CNTN2: variants seen among roughly 807,000 people sequenced by gnomAD.
CNTN2 encodes the protein contactin 2.
A neutral mutation model predicts 117.5 loss-of-function variants in CNTN2; 53 were observed. The ratio of observed to expected loss-of-function variants is 0.45; its 90% CI spans 0.36 to 0.57. The LOEUF (loss-of-function observed/expected upper bound fraction) is 0.57. Ranked by LOEUF, CNTN2 falls within the 20% of genes least tolerant of loss-of-function variation. CNTN2 has a pLI of 0.00. For synonymous variants in CNTN2, 530 were observed against 561.7 expected, an observed-to-expected ratio of 0.94 and a Z score of 0.80; for missense variants, 1,106 against 1,404.3, an observed-to-expected ratio of 0.79 and a Z score of 3.39.
chr1:205,066,683 G>A, intron 15 of CNTN2, 84 bp downstream of exon 15: 9 of 1,497,086 alleles, frequency 6.0e-6, no homozygotes, highest in South Asian at 3.8e-5. Flanking sequence ...TGGGGATCGG[G>A]GTCTGAGGGC....
At chr1:205,067,526 A>T in intron 16 of CNTN2, 1 of 328,190 alleles carries the variant, frequency 3.0e-6, no homozygotes, top group Non-Finnish European at 5.5e-6. Context: ...AAGTGGAAAA[A>T]CCAAAGTTCG....
In CNTN2 at chr1:205,073,506, G is replaced by A. The variant is rs78936091; in HGVS notation, c.3014-150G>A. The A allele has an allele frequency of 4.3e-3, 3,298 of 761,568 alleles. 27 individuals carry two copies. The highest frequency in any genetic ancestry group is 4.8e-3 in the South Asian group (286 of 59,238). The allele number at this position is 761,568 out of a possible 1,614,324, so 47.2% of individuals were successfully genotyped here. A position where few individuals can be genotyped will look rare whatever the true frequency, so the allele number is the denominator to read the frequency against. ...AATAGCAAACGGCCTACAAAGCACC[G>A]TAGGAGTCGGACTGAGAAGACCACC... On this transcript the variant is annotated intron_variant, in intron 22 of 22. Coordinates refer to ENST00000331830, the MANE Select transcript of CNTN2 (RefSeq NM_005076.5). The surrounding 1 kb of genome is among the most constrained non-coding windows in gnomAD (Gnocchi z 6.3).
chr1:205,074,302 C>T lies in CNTN2; in HGVS notation c.*537C>T, dbSNP rs554975483. On this transcript the variant is annotated 3_prime_UTR_variant, in exon 23 of 23. Coordinates refer to ENST00000331830, the MANE Select transcript of CNTN2 (RefSeq NM_005076.5). ...GCAGCAAGGACCCTGACGCTGTCCC[C>T]GATAACTCCCTAGGGGCTCCTGCCT... 3.7e-4 allele frequency: 149 copies of T among 402,818 alleles called. 4 individuals carry two copies. In the South Asian group the frequency reaches 0.015, roughly 42 times the overall value. 25.0% of individuals were successfully genotyped at this position (402,818 alleles called of 1,614,324 possible).
Position 205,065,907 on chromosome 1 carries a change from G to A in CNTN2, c.1814G>A (p.Arg605Gln), listed in dbSNP as rs762910235. ...TCCAAGGAGGCCACAGTCCTGGTCC[G>A]AGGTGAGGGGTTTCCCACCTCTACC... ...SASKEATVLVRGPPGPPGGVV... is the reference protein window; with the variant it reads ...SASKEATVLVQGPPGPPGGVV... Residue 605 changes from arginine (R) to glutamine (Q), a missense_variant and splice_region_variant, in exon 14 of 23, where the codon CGA (arginine) becomes CAA (glutamine). By Grantham distance (43) the Arg-to-Gln change is conservative. Transcript: ENST00000331830. The surrounding 1 kb of genome is among the most constrained non-coding windows in gnomAD (Gnocchi z 4.1). The A allele has an allele frequency of 1.2e-5, 20 of 1,609,668 alleles. No individual in the cohort carries two copies. Among genetic ancestry groups the A allele is most frequent in the Non-Finnish European group, 1.6e-5 (19 of 1,177,656 alleles).
Position 205,064,468 on chromosome 1 carries a change from A to G in CNTN2, c.1387A>G (p.Ser463Gly). 1.2e-6 allele frequency: 2 copies of G among 1,608,430 alleles called. No individual in the cohort carries two copies. The highest frequency in any genetic ancestry group is 1.7e-6 in the Non-Finnish European group (2 of 1,175,584). The change falls in exon 11 of 23, where the codon AGC (serine) becomes GGC (glycine). Residue 463 changes from serine to glycine, a missense_variant. Physicochemically the swap from Ser to Gly is moderately conservative, Grantham distance 56 (BLOSUM62 0). Coordinates refer to ENST00000331830, the MANE Select transcript of CNTN2 (RefSeq NM_005076.5). ...AGGCACGGAGATTTTGGTCAACAGC[A>G]GCAGGTACCACCCACACCCCACCCT... ...SKGTEILVNS[S>G]RVTVTPDGTL...
chr1:205,070,420 C>A lies in CNTN2; in HGVS notation c.2432-6C>A, dbSNP rs766760353. On this transcript the variant is annotated splice_region_variant and splice_polypyrimidine_tract_variant and intron_variant, in intron 18 of 22. Transcript: ENST00000331830. Reference sequence around the variant, plus strand: ...GAATCCAAACCCATTCTGTATTGGTCCCCAGAGCCCAGGGTGGCCCCTACC... The same window carrying A: ...GAATCCAAACCCATTCTGTATTGGTACCCAGAGCCCAGGGTGGCCCCTACC... 1.2e-6 allele frequency: 2 copies of A among 1,603,190 alleles called. No homozygotes were observed. Among genetic ancestry groups the A allele is most frequent in the South Asian group, 2.2e-5 (2 of 90,264 alleles).
intron 1 of CNTN2, among the ~76,000 whole-genome samples, chr1:205,051,323 G>T (rs4951160): frequency 6.6e-6 from 1 of 152,082 alleles, no homozygotes; most frequent in Non-Finnish European, 1.5e-5. Context: ...AATTTTTTGC[G>T]TAGACAGGGG....
chr1:205,044,959 CA>C (rs2096438917), intron 1 of CNTN2, among the ~76,000 whole-genome samples: 1 of 152,284 alleles, frequency 6.6e-6, no homozygotes, highest in Non-Finnish European at 1.5e-5. Context: ...GCTTTTGCCA[CA>C]AGGTCAGAGT....
In CNTN2 at chr1:205,072,016, A is replaced by C. The variant is rs1040215071; in HGVS notation, c.2614A>C (p.Ser872Arg). The C allele has an allele frequency of 3.7e-6, 6 of 1,614,076 alleles. No homozygotes were observed. In the African/African-American group the frequency reaches 8.0e-5, roughly 22 times the overall value. ...AGTGAGGACAGCAGGGCTGGACACC[A>C]GTGCCCGAGTCAGCGGCCTGCATCC... ...DRVRTAGLDT[S>R]ARVSGLHPNT... Residue 872 changes from serine (S) to arginine (R), a missense_variant, in exon 20 of 23, where the codon AGT (serine) becomes CGT (arginine). Coordinates refer to ENST00000331830, the MANE Select transcript of CNTN2 (RefSeq NM_005076.5).
In CNTN2 at chr1:205,061,176, A is replaced by T; in HGVS notation, c.798-69A>T. 6.6e-7 allele frequency: 1 copy of T among 1,504,840 alleles called. No individual in the cohort carries two copies. The highest frequency in any genetic ancestry group is 1.3e-5 in the South Asian group (1 of 78,778). 93.2% of individuals were successfully genotyped at this position (1,504,840 alleles called of 1,614,324 possible). ...AGGAGGGCCTGAGAGTCTGGGTATG[A>T]GGAGCTGCGGGCACTGGAGGGGTAG... On this transcript the variant is annotated intron_variant, in intron 7 of 22. Coordinates refer to ENST00000331830, the MANE Select transcript of CNTN2 (RefSeq NM_005076.5). The surrounding 1 kb of genome is among the most constrained non-coding windows in gnomAD (Gnocchi z 4.8).
intron 10 of CNTN2, 190 bp downstream of exon 10, chr1:205,062,759 C>T (rs2151193044): frequency 1.8e-6 from 1 of 550,106 alleles, no homozygotes; most frequent in Non-Finnish European, 2.9e-6. Flanking sequence ...TGACAGCTGC[C>T]AGAGGGCAGG....
Position 205,065,930 on chromosome 1 carries a change from A to C in CNTN2, c.1816+21A>C. The C allele has an allele frequency of 6.3e-7, 1 of 1,592,052 alleles. No individual in the cohort carries two copies. The highest frequency in any genetic ancestry group is 1.1e-5 in the South Asian group (1 of 87,428). ...CCGAGGTGAGGGGTTTCCCACCTCT[A>C]CCCCTACCCCAACTCCCTTAAAACC... is the stretch of plus-strand genomic sequence containing the variant. On this transcript the variant is annotated intron_variant, in intron 14 of 22. Transcript: ENST00000331830. The surrounding 1 kb of genome is among the most constrained non-coding windows in gnomAD (Gnocchi z 4.1).
rs371816961 is a variant in CNTN2, at chr1:205,061,966, C to A, written c.1075C>A (p.Arg359Ser). 3.1e-4 allele frequency: 492 copies of A among 1,612,954 alleles called. 1 individual carries two copies. The South Asian group carries it at 4.7e-3, about 15-fold the overall frequency. ...AAAGKPRPTVRWLRNGEPLAS... is the reference protein window; with the variant it reads ...AAAGKPRPTVSWLRNGEPLAS... ...CGCCGGCAAGCCCCGGCCTACAGTG[C>A]GCTGGCTGCGGAACGGGGAGCCTCT... is the stretch of plus-strand genomic sequence containing the variant. Residue 359 changes from arginine to serine, a missense_variant, in exon 9 of 23, where the codon CGC (arginine) becomes AGC (serine). Coordinates refer to ENST00000331830, the MANE Select transcript of CNTN2 (RefSeq NM_005076.5). This position sits in a 1 kb window ranked among gnomAD's most constrained non-coding sequence, Gnocchi z 4.8.
chr1:205,054,233 A>C (rs923309064), intron 2 of CNTN2, among the ~76,000 whole-genome samples: 3 of 151,946 alleles, frequency 2.0e-5, no homozygotes, highest in African/African-American at 7.3e-5. Context: ...CCCCTACCCC[A>C]CACCCCCTGC....
rs1654755162 is a variant in CNTN2 at position 205,074,338 on chromosome 1, C to T, written c.*573C>T. 2.5e-6 allele frequency: 1 copy of T among 400,322 alleles called. No individual in the cohort carries two copies. Among genetic ancestry groups the T allele is most frequent in the South Asian group, 1.3e-4 (1 of 7,934 alleles). 24.8% of individuals were successfully genotyped at this position (400,322 alleles called of 1,614,324 possible). The stretch of plus-strand genomic sequence containing the variant: ...TAGGGGCTCCTGCCTGCCCAAGCGG[C>T]TGAGAACCAGCGCCCCGATGCCTGA... On this transcript the variant is annotated 3_prime_UTR_variant, in exon 23 of 23. Coordinates refer to ENST00000331830, the MANE Select transcript of CNTN2 (RefSeq NM_005076.5).
rs1180867159 is a variant in CNTN2, at chr1:205,059,220, GGCCACCA to G, written c.630_636del (p.Ser211TrpfsTer118). ...CAGACCTGGGCAACTACTCCTGTTT[GGCCACCA>G]GCCACATGGACTTCTCCACCAAGAG... On this transcript the variant is annotated frameshift_variant, in exon 6 of 23. Coordinates refer to ENST00000331830, the MANE Select transcript of CNTN2 (RefSeq NM_005076.5). LOFTEE classifies it high-confidence loss of function. This position sits in a 1 kb window ranked among gnomAD's most constrained non-coding sequence, Gnocchi z 5.6. 1 of 1,614,208 alleles carries G rather than the reference GGCCACCA, an allele frequency of 6.2e-7. No homozygotes were observed. The highest frequency in any genetic ancestry group is 1.1e-5 in the South Asian group (1 of 91,086).
At chr1:205,055,174 C>T (rs11240344) in intron 2 of CNTN2, among the ~76,000 whole-genome samples, 53,420 of 151,868 alleles carry the variant, frequency 0.35, 11,784 homozygotes, top group Non-Finnish European at 0.5. Context: ...CCACCACGCT[C>T]GGCTAATTTT....
intron 1 of CNTN2, among the ~76,000 whole-genome samples, chr1:205,044,818 C>T (rs2096438578): frequency 6.6e-6 from 1 of 152,152 alleles, no homozygotes. Flanking sequence ...GCCTGGAGGT[C>T]ACAACAGGTG....
At chr1:205,063,226 A>G (rs917341877) in intron 10 of CNTN2, 1 of 152,258 alleles carries the variant, frequency 6.6e-6, no homozygotes, top group Non-Finnish European at 1.5e-5. Flanking sequence ...AATATAAAAG[A>G]TACGGTCTCT....
Sources: allele counts gnomAD v4.1 joint callset (sites outside exome capture counted in the v4.1 genomes callset), GRCh38; gene constraint gnomAD v4.1.1; non-coding constraint Gnocchi (gnomAD v3.1); transcripts MANE v1.5; gene names NCBI Gene and HGNC (gene_info 2026-07-23, HGNC 2026-07-21).